The following TMEM107 variants were observed in gnomAD, a reference collection of about 807,000 sequenced individuals.
TMEM107 encodes the protein transmembrane protein 107.
Under a neutral mutation model 16.8 loss-of-function variants are expected in TMEM107, and 18 were observed. The observed-to-expected ratio is 1.07, with a 90% CI of 0.74 to 1.59. The LOEUF (loss-of-function observed/expected upper bound fraction) is 1.59, where lower values mean the gene tolerates loss of function less well. Ranked by LOEUF, TMEM107 falls within the 40% of genes most tolerant of loss-of-function variation. The pLI is 0.00. For synonymous variants in TMEM107, 68 were observed against 71.6 expected (o/e 0.95, Z 0.25); for missense variants, 152 against 175.4 (o/e 0.87, Z 0.75).
chr17:8,173,843 C>G lies in TMEM107; in HGVS notation c.*360G>C, dbSNP rs2031977715. ...TACGCACTTTCTATTTACATATCTC[C>G]GCCCACTCCCTTCCGCCAGGCACCT... On this transcript the variant is annotated 3_prime_UTR_variant, in exon 5 of 5. Transcript: ENST00000437139. 4 of 485,172 alleles carry G rather than the reference C, an allele frequency of 8.2e-6. No individual in the cohort carries two copies. Among genetic ancestry groups the G allele is most frequent in the Admixed American group, 7.6e-5 (2 of 26,436 alleles). 30.1% of individuals were successfully genotyped at this position (485,172 alleles called of 1,614,324 possible).
chr17:8,175,903 A>C, intron 2 of TMEM107, 46 bp from the exon 3 acceptor site: 1 of 1,614,124 alleles, frequency 6.2e-7, no homozygotes, highest in Non-Finnish European at 8.5e-7. Context: ...ACTTATTCTA[A>C]GACCCCTCCA....
In TMEM107 at chr17:8,176,301, A is replaced by G. The variant is rs1417909652; in HGVS notation, c.-15T>C. ...ACCCGGCCCATGGCCCTCGGGGACAAGGGCGGCGGTCTCTGAGGCTGGAAG... is the reference window on the plus strand; with the variant it reads ...ACCCGGCCCATGGCCCTCGGGGACAGGGGCGGCGGTCTCTGAGGCTGGAAG... On this transcript the variant is annotated 5_prime_UTR_variant, in exon 1 of 5. Transcript: ENST00000437139. 6 of 1,609,636 alleles carry G rather than the reference A, an allele frequency of 3.7e-6. No homozygotes were observed. Among genetic ancestry groups the G allele is most frequent in the South Asian group, 1.1e-5 (1 of 90,952 alleles).
Position 8,174,190 on chromosome 17 carries a change from G to T in TMEM107, c.*13C>A, listed in dbSNP as rs760910205. The stretch of plus-strand genomic sequence containing the variant: ...CTGTAGGCTTCGTCCTTAGGTTCCC[G>T]TCATGAAGGTAATCAGAAGGGTTTC... On this transcript the variant is annotated 3_prime_UTR_variant, in exon 5 of 5. Transcript: ENST00000437139. 6.2e-7 allele frequency: 1 copy of T among 1,612,890 alleles called. No homozygotes were observed. The highest frequency in any genetic ancestry group is 1.1e-5 in the South Asian group (1 of 91,050).
rs929065678 is a variant in TMEM107 at position 8,173,294 on chromosome 17, C to A, written c.*909G>T. On this transcript the variant is annotated 3_prime_UTR_variant, in exon 5 of 5. Transcript: ENST00000437139. ...GCAACAAAAACCAAATCACAATTTT[C>A]AAGAACAAACAAATTTAGCAAGACT... 3.4e-5 allele frequency: 18 copies of A among 530,220 alleles called. No individual in the cohort carries two copies. The South Asian group carries it at 5.1e-4, about 15-fold the overall frequency. 32.8% of individuals were successfully genotyped at this position (530,220 alleles called of 1,614,324 possible).
Position 8,174,092 on chromosome 17 carries a change from CA to C in TMEM107, c.*110del. 1.2e-6 allele frequency: 1 copy of C among 857,178 alleles called. No homozygotes were observed. Among genetic ancestry groups the C allele is most frequent in the Non-Finnish European group, 2.0e-6 (1 of 501,778 alleles). The allele number at this position is 857,178 out of a possible 1,614,324, so 53.1% of individuals were successfully genotyped here. The stretch of plus-strand genomic sequence containing the variant: ...AATTATTCCAACACATATCCTCCAG[CA>C]GAAGCAGTTTCCGAGGGGAAAACCG... On this transcript the variant is annotated 3_prime_UTR_variant, in exon 5 of 5. Coordinates refer to ENST00000437139, the MANE Select transcript of TMEM107 (RefSeq NM_183065.4).
In TMEM107 at chr17:8,172,539, A is replaced by T. The variant is rs1227053521; in HGVS notation, c.*1664T>A. Among the ~76,000 whole-genome samples the T allele has an allele frequency of 6.6e-6, 1 of 151,888 alleles. No individual in the cohort carries two copies. The highest frequency in any genetic ancestry group is 1.9e-4 in the East Asian group (1 of 5,146). On this transcript the variant is annotated 3_prime_UTR_variant, in exon 5 of 5. Transcript: ENST00000437139. ...ACCACTGTTTCAAAACTAAGGGAGA[A>T]AAAAGTGCAAAAGAGGGGAGTGGGA...
intron 3 of TMEM107, 127 bp from the exon 4 acceptor site, chr17:8,174,743 C>G (rs1254699624): frequency 2.5e-6 from 2 of 791,148 alleles, no homozygotes; most frequent in Non-Finnish European, 4.3e-6. Flanking sequence ...GTTTCAAGGG[C>G]TAGAGTCAGC....
chr17:8,175,566 G>A (rs1394994958), intron 3 of TMEM107, 191 bp downstream of exon 3: 2 of 683,052 alleles, frequency 2.9e-6, no homozygotes, highest in Non-Finnish European at 5.3e-6. Context: ...GAGCCAACAT[G>A]CCTGGCCAAA....
chr17:8,175,811 G>C lies in TMEM107; in HGVS notation c.202C>G (p.Leu68Val), dbSNP rs979857583. 3.7e-6 allele frequency: 6 copies of C among 1,614,100 alleles called. No individual in the cohort carries two copies. The African/African-American group carries it at 6.7e-5, about 18-fold the overall frequency. ...GAGACTCCTGAGAGGAAACCGGCCA[G>C]CTCCACTGCAAAGAGGCCCAGGGTG... ...SVTLGLFAVE[L>V]AGFLSGVSMF... Residue 68 changes from leucine (L) to valine (V), a missense_variant, in exon 3 of 5, where the codon CTG becomes GTG. Transcript: ENST00000437139.
In TMEM107 at chr17:8,173,417, A is replaced by C. The variant is rs747144226; in HGVS notation, c.*786T>G. On this transcript the variant is annotated 3_prime_UTR_variant, in exon 5 of 5. Transcript: ENST00000437139. ...TAGCTATGTTTGTGGATATCTGCTA[A>C]TCAGCATAACACAAATGTAAGTGAT... 1 of 748,086 alleles carries C rather than the reference A, an allele frequency of 1.3e-6. No individual in the cohort carries two copies. The highest frequency in any genetic ancestry group is 2.5e-6 in the Non-Finnish European group (1 of 407,442). The allele number at this position is 748,086 out of a possible 1,614,324, so 46.3% of individuals were successfully genotyped here.
intron 3 of TMEM107, chr17:8,174,958 T>C (rs1318964616): frequency 1.5e-5 from 4 of 262,520 alleles, no homozygotes; most frequent in Non-Finnish European, 3.0e-5. Context: ...TCCAGTGTCC[T>C]GGTCCTCCTG....
At chr17:8,175,450 A>C in intron 3 of TMEM107, 1 of 586,790 alleles carries the variant, frequency 1.7e-6, no homozygotes, top group South Asian at 2.0e-5. Context: ...TCCTCATTGT[A>C]AAAAGAAACG....
In TMEM107 at chr17:8,173,302, A is replaced by G. The variant is rs1983715873; in HGVS notation, c.*901T>C. Reference sequence around the variant, plus strand: ...AACCAAATCACAATTTTCAAGAACAAACAAATTTAGCAAGACTGCAAAATA... The same window carrying G: ...AACCAAATCACAATTTTCAAGAACAGACAAATTTAGCAAGACTGCAAAATA... On this transcript the variant is annotated 3_prime_UTR_variant, in exon 5 of 5. Transcript: ENST00000437139. The G allele has an allele frequency of 3.8e-6, 2 of 531,760 alleles. No homozygotes were observed. Among genetic ancestry groups the G allele is most frequent in the Non-Finnish European group, 6.7e-6 (2 of 298,876 alleles). 32.9% of individuals were successfully genotyped at this position (531,760 alleles called of 1,614,324 possible).
In TMEM107 at chr17:8,173,370, G is replaced by T; in HGVS notation, c.*833C>A. 2 of 664,294 alleles carry T rather than the reference G, an allele frequency of 3.0e-6. No homozygotes were observed. Among genetic ancestry groups the T allele is most frequent in the Non-Finnish European group, 5.6e-6 (2 of 359,326 alleles). 41.1% of individuals were successfully genotyped at this position (664,294 alleles called of 1,614,324 possible). On this transcript the variant is annotated 3_prime_UTR_variant, in exon 5 of 5. Transcript: ENST00000437139. ...AGACTGCAAAATAGACAAACAGCAA[G>T]GTTATCCCAGTCAGAACTTCATAGC...
rs1983664867 is a variant in TMEM107, at chr17:8,172,982, T to C, written c.*1221A>G. Reference sequence around the variant, plus strand: ...GAAGTCATTGGTGATGATGAGTTTCTTGGGGGTGTACTGGTAGATTTTTAA... The same window carrying C: ...GAAGTCATTGGTGATGATGAGTTTCCTGGGGGTGTACTGGTAGATTTTTAA... On this transcript the variant is annotated 3_prime_UTR_variant, in exon 5 of 5. Transcript: ENST00000437139. Among the ~76,000 whole-genome samples the C allele has an allele frequency of 6.6e-6, 1 of 152,094 alleles. No individual in the cohort carries two copies. The highest frequency in any genetic ancestry group is 2.1e-4 in the South Asian group (1 of 4,830).
intron 3 of TMEM107, chr17:8,175,286 C>G: frequency 7.8e-6 from 2 of 254,920 alleles, no homozygotes; most frequent in South Asian, 8.7e-5. Context: ...AGGCCGGTCT[C>G]GAACTCCTGA....
rs750457525 is a variant in TMEM107, at chr17:8,173,528, T to A, written c.*675A>T. On this transcript the variant is annotated 3_prime_UTR_variant, in exon 5 of 5. Transcript: ENST00000437139. ...TTAATCACGTTTCATGCATCTCCAA[T>A]CATCATGTTCTAATCTGCCCTCCGG... 2 of 765,400 alleles carry A rather than the reference T, an allele frequency of 2.6e-6. No individual in the cohort carries two copies. The highest frequency in any genetic ancestry group is 1.7e-5 in the Admixed American group (1 of 59,040). 47.4% of individuals were successfully genotyped at this position (765,400 alleles called of 1,614,324 possible).
chr17:8,174,683 G>GCCCCACCACTGGCCT, intron 3 of TMEM107, 67 bp from the exon 4 acceptor site: 1 of 1,403,342 alleles, frequency 7.1e-7, no homozygotes, highest in Non-Finnish European at 1.0e-6. Flanking sequence ...GAAAAGGCCA[G>GCCCCACCACTGGCCT]TGGTGGGGCT....
chr17:8,173,352 A>G lies in TMEM107; in HGVS notation c.*851T>C, dbSNP rs1567549072. 2.1e-5 allele frequency: 13 copies of G among 611,680 alleles called. No individual in the cohort carries two copies. The highest frequency in any genetic ancestry group is 1.6e-4 in the Admixed American group (7 of 43,548). The allele number at this position is 611,680 out of a possible 1,614,324, so 37.9% of individuals were successfully genotyped here. On this transcript the variant is annotated 3_prime_UTR_variant, in exon 5 of 5. Transcript: ENST00000437139. ...AGACAAACAGCAATAGCAAGACTGC[A>G]AAATAGACAAACAGCAAGGTTATCC...
Sources: allele counts gnomAD v4.1 joint callset (sites outside exome capture counted in the v4.1 genomes callset), GRCh38; gene constraint gnomAD v4.1.1; transcripts MANE v1.5; gene names NCBI Gene and HGNC (gene_info 2026-07-23, HGNC 2026-07-21).